LRP6: variants seen among roughly 807,000 people sequenced by gnomAD.
LRP6 encodes low-density lipoprotein receptor-related protein 6.
In LRP6, 43 loss-of-function variants were observed where a neutral mutation model predicts 184.1. That is an observed-to-expected ratio of 0.23 (90% confidence interval 0.18 to 0.30). The LOEUF (loss-of-function observed/expected upper bound fraction) is 0.30, where lower values mean the gene tolerates loss of function less well. Among genes scored for constraint, LRP6 ranks in the 10% least tolerant of loss-of-function variants. The pLI, the probability that LRP6 is intolerant of heterozygous loss-of-function variation, is 1.00. For synonymous variants in LRP6, 719 were observed against 684.9 expected, an observed-to-expected ratio of 1.05 and a Z score of -0.78; for missense variants, 1,571 against 2,005.3, an observed-to-expected ratio of 0.78 and a Z score of 4.14.
At position 12,244,429 on chromosome 12, in the gene LRP6, T is replaced by C. The variant is rs764576053; in HGVS notation, c.282A>G (p.Leu94=). The C allele has an allele frequency of 6.8e-6, 11 of 1,614,068 alleles. No individual in the cohort carries two copies. Among genetic ancestry groups the C allele is most frequent in the Middle Eastern group, 3.3e-4 (2 of 6,084 alleles). ...CACATGCCAGCCCATCGGGGGACAA[T>C]AATCCAGAAACAACAACATTCTGCA... The part of the protein sequence containing the change: ...ESVQNVVVSG[L]LSPDGLACDW... Residue 94 remains leucine, a synonymous_variant, in exon 2 of 23, where the codon TTA becomes TTG. Coordinates refer to ENST00000261349, the MANE Select transcript of LRP6 (RefSeq NM_002336.3).
chr12:12,247,883 C>T (rs1471313381), intron 1 of LRP6, among the ~76,000 whole-genome samples: 1 of 152,150 alleles, frequency 6.6e-6, no homozygotes, highest in Non-Finnish European at 1.5e-5. Flanking sequence ...ACTCACAGTG[C>T]TCAGGAATCC....
At chr12:12,164,159 G>C in intron 9 of LRP6, 114 bp downstream of exon 9, 1 of 860,458 alleles carries the variant, frequency 1.2e-6, no homozygotes, top group Admixed American at 2.5e-5. Flanking sequence ...GAGGGTTTTT[G>C]TTGAACTCTG....
In LRP6 at chr12:12,226,183, T is replaced by C. The variant is rs544712549; in HGVS notation, c.449+18079A>G. The stretch of plus-strand genomic sequence containing the variant: ...TGACTAAACAACTGAAATATAGTCA[T>C]TGAACTATAGACTATTTTTTCTCTC... On this transcript the variant is annotated intron_variant, in intron 2 of 22. Coordinates refer to ENST00000261349, the MANE Select transcript of LRP6 (RefSeq NM_002336.3). Among the ~76,000 whole-genome samples, 223 of 152,242 alleles carry C rather than the reference T, an allele frequency of 1.5e-3. 1 individual carries two copies. Among genetic ancestry groups the C allele is most frequent in the African/African-American group, 4.9e-3 (202 of 41,516 alleles).
chr12:12,156,381 C>A (rs994785757), intron 12 of LRP6, among the ~76,000 whole-genome samples: 2 of 152,020 alleles, frequency 1.3e-5, no homozygotes, highest in African/African-American at 4.8e-5. Context: ...ATGAAGAAAG[C>A]AAGAGAGACA....
In LRP6 at chr12:12,181,174, T is replaced by C. The variant is rs771851999; in HGVS notation, c.1242A>G (p.Ala414=). 4 of 1,614,166 alleles carry C rather than the reference T, an allele frequency of 2.5e-6. No individual in the cohort carries two copies. The highest frequency in any genetic ancestry group is 2.2e-5 in the South Asian group (2 of 91,084). ...HPDGIAVDWV[A]RNLYWTDTGT... ...CAGTGTCTGTCCAATAAAGATTTCG[T>C]GCAACCCAGTCCACAGCAATACCAT... Residue 414 remains alanine (A), a synonymous_variant, in exon 6 of 23, where the codon GCA becomes GCG. Coordinates refer to ENST00000261349, the MANE Select transcript of LRP6 (RefSeq NM_002336.3).
At chr12:12,254,734 C>T (rs1382492053) in intron 1 of LRP6, among the ~76,000 whole-genome samples, 1 of 152,182 alleles carries the variant, frequency 6.6e-6, no homozygotes, top group African/African-American at 2.4e-5. Flanking sequence ...ACTTTATGAA[C>T]CAACGCTTAC....
chr12:12,215,287 C>A (rs748054335), intron 2 of LRP6, among the ~76,000 whole-genome samples: 3 of 152,004 alleles, frequency 2.0e-5, no homozygotes, highest in Non-Finnish European at 4.4e-5. Context: ...CAGGTTCTCC[C>A]ACTGATCCCT....
intron 7 of LRP6, among the ~76,000 whole-genome samples, chr12:12,171,500 C>T (rs1047775605): frequency 6.7e-6 from 1 of 149,440 alleles, no homozygotes; most frequent in Non-Finnish European, 1.5e-5. Flanking sequence ...CCAGCCTGGG[C>T]GACAGAGTGA....
intron 1 of LRP6, among the ~76,000 whole-genome samples, chr12:12,260,944 C>T (rs1023122546): frequency 2.0e-5 from 3 of 152,136 alleles, no homozygotes; most frequent in Non-Finnish European, 4.4e-5. Context: ...CCAGTATGCG[C>T]AAAATATTTA....
At chr12:12,189,231 C>G (rs1471748504) in intron 3 of LRP6, among the ~76,000 whole-genome samples, 1 of 152,188 alleles carries the variant, frequency 6.6e-6, no homozygotes, top group Non-Finnish European at 1.5e-5. Context: ...TTTCTGCAAG[C>G]TTTATTTCTT....
At position 12,148,810 on chromosome 12, in the gene LRP6, C is replaced by G. The variant is rs986478351; in HGVS notation, c.3206+132G>C. On this transcript the variant is annotated intron_variant, in intron 14 of 22. Coordinates refer to ENST00000261349, the MANE Select transcript of LRP6 (RefSeq NM_002336.3). ...GACAACTGTTAAGATAATGCAGAAA[C>G]AAACTGATAGAGAATATTGAATTGT... The G allele has an allele frequency of 8.5e-5, 66 of 777,850 alleles. No individual in the cohort carries two copies. The African/African-American group carries it at 9.2e-4, about 11-fold the overall frequency. 48.2% of individuals were successfully genotyped at this position (777,850 alleles called of 1,614,324 possible). A position where few individuals can be genotyped will look rare whatever the true frequency, so the allele number is the denominator to read the frequency against.
intron 4 of LRP6, among the ~76,000 whole-genome samples, chr12:12,185,496 T>C (rs1863446957): frequency 6.6e-6 from 1 of 152,170 alleles, no homozygotes; most frequent in African/African-American, 2.4e-5. Flanking sequence ...TAAAGCAACA[T>C]ATGTTGCAAA....
At chr12:12,143,141 A>AT (rs1949956935) in intron 15 of LRP6, among the ~76,000 whole-genome samples, 1 of 152,222 alleles carries the variant, frequency 6.6e-6, no homozygotes, top group Non-Finnish European at 1.5e-5. Flanking sequence ...AAAATAAAAC[A>AT]TTAAGTTTAG....
chr12:12,134,804 G>T (rs1238844698), intron 17 of LRP6, among the ~76,000 whole-genome samples: 1 of 152,094 alleles, frequency 6.6e-6, no homozygotes, highest in African/African-American at 2.4e-5. Flanking sequence ...GAAAAGTGTG[G>T]TAATATATAC....
chr12:12,220,979 G>A (rs529620920), intron 2 of LRP6, among the ~76,000 whole-genome samples: 1 of 152,172 alleles, frequency 6.6e-6, no homozygotes, highest in Non-Finnish European at 1.5e-5. Flanking sequence ...CCCTTGCTCT[G>A]ACAAAGTTTC....
intron 15 of LRP6, among the ~76,000 whole-genome samples, chr12:12,142,610 T>A (rs1474024049): frequency 6.6e-6 from 1 of 152,112 alleles, no homozygotes; most frequent in East Asian, 1.9e-4. Context: ...CAAACATTTC[T>A]TTTTATGTGG....
intron 1 of LRP6, among the ~76,000 whole-genome samples, chr12:12,260,761 C>T (rs1375184625): frequency 6.6e-6 from 1 of 152,174 alleles, no homozygotes; most frequent in Non-Finnish European, 1.5e-5. Flanking sequence ...CAAAGGAACA[C>T]AAAGCGGCAG....
intron 2 of LRP6, among the ~76,000 whole-genome samples, chr12:12,219,185 A>G (rs1321193342): frequency 6.6e-6 from 1 of 152,002 alleles, no homozygotes; most frequent in Admixed American, 6.6e-5. Flanking sequence ...TTATACTCTT[A>G]ACTGTCTACC....
At chr12:12,202,839 T>TC (rs34368440) in intron 3 of LRP6, among the ~76,000 whole-genome samples, 1 of 151,964 alleles carries the variant, frequency 6.6e-6, no homozygotes, top group Non-Finnish European at 1.5e-5. Flanking sequence ...ACCTTGGACC[T>TC]CCCCTCCACC....
Sources: gnomAD v4.1 joint callset for allele counts (sites outside exome capture counted in the v4.1 genomes callset) on GRCh38, gnomAD v4.1.1 for gene constraint, MANE v1.5 for transcripts, NCBI Gene and HGNC (gene_info 2026-07-23, HGNC 2026-07-21) for gene names.